RELN: variants seen among roughly 807,000 people sequenced by gnomAD.
The protein encoded by RELN is reelin.
Under a neutral mutation model 427.6 loss-of-function variants are expected in RELN, and 108 were observed. The ratio of observed to expected loss-of-function variants is 0.25; its 90% CI spans 0.22 to 0.30. The LOEUF is 0.30. Ranked by LOEUF, RELN falls within the 10% of genes least tolerant of loss-of-function variation. The pLI, the probability that RELN is intolerant of heterozygous loss-of-function variation, is 1.00. For synonymous variants in RELN, 1,524 were observed against 1,513.4 expected, an observed-to-expected ratio of 1.01 and a Z score of -0.16; for missense variants, 3,715 against 4,302.8, an observed-to-expected ratio of 0.86 and a Z score of 3.82.
intron 8 of RELN, among the ~76,000 whole-genome samples, chr7:103,709,474 C>T (rs11976596): frequency 0.061 from 9,257 of 152,188 alleles, 926 homozygotes; most frequent in African/African-American, 0.21. Flanking sequence ...AAACTAAATT[C>T]CTGCTTAACT....
At chr7:103,602,829 A>T (rs1031294149) in intron 24 of RELN, among the ~76,000 whole-genome samples, 5 of 148,052 alleles carry the variant, frequency 3.4e-5, no homozygotes, top group African/African-American at 5.2e-5. Flanking sequence ...TTAAATAATT[A>T]AAAAAAAATC....
chr7:103,747,174 A>G (rs1339539663), intron 6 of RELN, among the ~76,000 whole-genome samples: 4 of 151,450 alleles, frequency 2.6e-5, no homozygotes, highest in African/African-American at 9.7e-5. Flanking sequence ...CAAAAAACCA[A>G]ACACCGCATG....
At chr7:103,912,949 C>A (rs1584361053) in intron 2 of RELN, among the ~76,000 whole-genome samples, 2 of 152,046 alleles carry the variant, frequency 1.3e-5, no homozygotes, top group East Asian at 3.9e-4. Context: ...AAAGAGATAT[C>A]CATAATTAAA....
chr7:103,909,969 G>A (rs932263641), intron 2 of RELN, among the ~76,000 whole-genome samples: 2 of 142,678 alleles, frequency 1.4e-5, no homozygotes, highest in Non-Finnish European at 1.5e-5. Flanking sequence ...GTAGCTTGAT[G>A]GGGATGGCAT....
chr7:103,820,276 T>C (rs1792981582), intron 3 of RELN, among the ~76,000 whole-genome samples: 1 of 152,050 alleles, frequency 6.6e-6, no homozygotes, highest in Non-Finnish European at 1.5e-5. Flanking sequence ...CCATAGTTGG[T>C]ATGATACTTA....
chr7:103,672,760 T>G (rs1833421580), intron 11 of RELN, among the ~76,000 whole-genome samples: 1 of 152,174 alleles, frequency 6.6e-6, no homozygotes, highest in Non-Finnish European at 1.5e-5. Context: ...TAGCATAATT[T>G]TCTTTTGAGC....
chr7:103,732,502 A>G (rs748961436), intron 6 of RELN, among the ~76,000 whole-genome samples: 1 of 152,148 alleles, frequency 6.6e-6, no homozygotes, highest in East Asian at 1.9e-4. Flanking sequence ...GATAAAGGGA[A>G]AGATAAATCA....
chr7:103,680,198 G>T (rs576277033), intron 11 of RELN, among the ~76,000 whole-genome samples: 25 of 152,014 alleles, frequency 1.6e-4, no homozygotes, highest in Non-Finnish European at 3.4e-4. Context: ...AGAAGTGGAG[G>T]GTGAGAAGGA....
In RELN at chr7:103,918,536, T is replaced by C. The variant is rs1308095761; in HGVS notation, c.227-1351A>G. ...CCCCTCAGATCCCAAAGTGGCAAAGTAACCATGGCCAAACTCCATCAAGGC... is the reference window on the plus strand; with the variant it reads ...CCCCTCAGATCCCAAAGTGGCAAAGCAACCATGGCCAAACTCCATCAAGGC... On this transcript the variant is annotated intron_variant, in intron 1 of 64. Transcript: ENST00000428762. Among the ~76,000 whole-genome samples, 2 of 152,152 alleles carry C rather than the reference T, an allele frequency of 1.3e-5. 1 individual carries two copies. Among genetic ancestry groups the C allele is most frequent in the Non-Finnish European group, 2.9e-5 (2 of 68,018 alleles).
At chr7:103,985,327 G>A (rs189679042) in intron 1 of RELN, among the ~76,000 whole-genome samples, 38 of 152,208 alleles carry the variant, frequency 2.5e-4, no homozygotes, top group Middle Eastern at 3.4e-3. Flanking sequence ...ACTTCTCATT[G>A]TTAATGGAAC....
intron 20 of RELN, among the ~76,000 whole-genome samples, chr7:103,628,834 T>TGGTGAAG (rs1284370231): frequency 5.9e-5 from 9 of 152,214 alleles, no homozygotes; most frequent in Non-Finnish European, 1.0e-4. Context: ...GTATACACAG[T>TGGTGAAG]GGTGAAGGTT....
intron 1 of RELN, among the ~76,000 whole-genome samples, chr7:103,986,144 T>A (rs1797093024): frequency 6.6e-6 from 1 of 152,212 alleles, no homozygotes. Context: ...GCTGAGCTTC[T>A]ACATTGTGGT....
chr7:103,663,960 C>G (rs1833201462), intron 11 of RELN, among the ~76,000 whole-genome samples: 1 of 152,176 alleles, frequency 6.6e-6, no homozygotes, highest in Non-Finnish European at 1.5e-5. Flanking sequence ...TTTCTCTACC[C>G]TTGCTACCAG....
intron 20 of RELN, among the ~76,000 whole-genome samples, chr7:103,622,928 G>T (rs1832252605): frequency 6.6e-6 from 1 of 152,156 alleles, no homozygotes; most frequent in Admixed American, 6.5e-5. Flanking sequence ...TACAAATAGT[G>T]CTTGTAAATC....
intron 2 of RELN, among the ~76,000 whole-genome samples, chr7:103,889,435 G>C (rs1316485849): frequency 1.3e-5 from 2 of 152,184 alleles, no homozygotes; most frequent in African/African-American, 2.4e-5. Context: ...GAGTTAAAGT[G>C]CATAACTCAC....
At chr7:103,566,997 TTGTA>T (rs1339893322) in intron 31 of RELN, among the ~76,000 whole-genome samples, 2 of 152,138 alleles carry the variant, frequency 1.3e-5, no homozygotes, top group African/African-American at 4.8e-5. Flanking sequence ...CTGCTCAGCT[TTGTA>T]TGAGTGATGA....
At chr7:103,923,118 T>C (rs1795651891) in intron 1 of RELN, among the ~76,000 whole-genome samples, 1 of 152,194 alleles carries the variant, frequency 6.6e-6, no homozygotes, top group Non-Finnish European at 1.5e-5. Context: ...CATTTTGCCT[T>C]ATGAAGAGAA....
intron 6 of RELN, among the ~76,000 whole-genome samples, chr7:103,746,432 T>G (rs1367244351): frequency 6.6e-6 from 1 of 151,744 alleles, no homozygotes; most frequent in East Asian, 1.9e-4. Context: ...CTAATTAAAC[T>G]AAAGAGCTTC....
At chr7:103,939,183 A>G (rs1197074472) in intron 1 of RELN, among the ~76,000 whole-genome samples, 2 of 152,138 alleles carry the variant, frequency 1.3e-5, no homozygotes, top group East Asian at 3.9e-4. Flanking sequence ...TCCTGACCTC[A>G]GGTGATCGGC....
Sources: allele counts gnomAD v4.1 joint callset (sites outside exome capture counted in the v4.1 genomes callset), GRCh38; gene constraint gnomAD v4.1.1; transcripts MANE v1.5; gene names NCBI Gene and HGNC (gene_info 2026-07-23, HGNC 2026-07-21).